Variants in PTPRN2 observed in about 807,000 individuals in gnomAD.
The protein encoded by PTPRN2 is receptor-type tyrosine-protein phosphatase N2.
In PTPRN2, 74 loss-of-function variants were observed where a neutral mutation model predicts 118.8. That is an observed-to-expected ratio of 0.62 (90% CI 0.52 to 0.76). The LOEUF is 0.76. Ranked by LOEUF, PTPRN2 falls within the 30% of genes least tolerant of loss-of-function variation. The probability of loss-of-function intolerance (pLI) is 0.00; values close to 1 mark genes in which losing one functional copy is unlikely to be tolerated. For synonymous variants in PTPRN2, 641 were observed against 608.0 expected (o/e 1.05, Z -0.80); for missense variants, 1,481 against 1,394.4 (o/e 1.06, Z -0.99).
intron 2 of PTPRN2, among the ~76,000 whole-genome samples, chr7:158,387,577 A>ACTCTCTGGGTCCTGGGGGG (rs1586542379): frequency 6.6e-5 from 10 of 151,180 alleles, no homozygotes; most frequent in Non-Finnish European, 1.3e-4. Flanking sequence ...CTGTCAGCTC[A>ACTCTCTGGGTCCTGGGGGG]GCTTGGCCCG....
chr7:158,263,022 CACACAT>C (rs1185709247), intron 3 of PTPRN2, among the ~76,000 whole-genome samples: 1 of 139,670 alleles, frequency 7.2e-6, no homozygotes. Flanking sequence ...ACACACAGTG[CACACAT>C]ACATATTCAC....
chr7:158,129,332 C>T (rs1193895328), intron 9 of PTPRN2, among the ~76,000 whole-genome samples: 3 of 150,356 alleles, frequency 2.0e-5, no homozygotes, highest in Non-Finnish European at 4.4e-5. Context: ...TACTGTACAC[C>T]ACGCACTACA....
chr7:158,555,731 G>GAAGGGTAAAGGAAGCCACC lies in PTPRN2; in HGVS notation c.112+31826_112+31827insGGTGGCTTCCTTTACCCTT, dbSNP rs1473872797. The stretch of plus-strand genomic sequence containing the variant: ...AAAGGGAGCTCTTCCGCCAACAGGT[G>GAAGGGTAAAGGAAGCCACC]GCCGGTGTTGCTTCCCAGCGGGTTC... On this transcript the variant is annotated intron_variant, in intron 1 of 22. Transcript: ENST00000389418. The surrounding 1 kb of genome is among the most constrained non-coding windows in gnomAD (Gnocchi z 4.7). 1.9e-4 allele frequency among the ~76,000 whole-genome samples: 29 copies of GAAGGGTAAAGGAAGCCACC among 152,140 alleles called. No homozygotes were observed. The highest frequency in any genetic ancestry group is 7.0e-4 in the African/African-American group (29 of 41,428).
chr7:157,944,841 T>C lies in PTPRN2; in HGVS notation c.1724-46104A>G, dbSNP rs962401095. On this transcript the variant is annotated intron_variant, in intron 11 of 22. Coordinates refer to ENST00000389418, the MANE Select transcript of PTPRN2 (RefSeq NM_002847.5). The surrounding 1 kb of genome is among the most constrained non-coding windows in gnomAD (Gnocchi z 4.3). ...CATCAGCTGGGAAGCAGCATGCTTC[T>C]TGGGGGGCAGGCATTGTCTACAACA... Among the ~76,000 whole-genome samples the C allele has an allele frequency of 6.6e-6, 1 of 152,196 alleles. No individual in the cohort carries two copies. The highest frequency in any genetic ancestry group is 2.4e-5 in the African/African-American group (1 of 41,450).
rs1490778692 is a variant in PTPRN2, at chr7:157,596,803, T to C, written c.2419-1488A>G. On this transcript the variant is annotated intron_variant, in intron 16 of 22. Transcript: ENST00000389418. The surrounding 1 kb of genome is among the most constrained non-coding windows in gnomAD (Gnocchi z 4.2). ...TATTGTGTCTAGGACTAAAATGGACTCTTTTGCTATCAGGGTTTGATTCGA... is the reference window on the plus strand; with the variant it reads ...TATTGTGTCTAGGACTAAAATGGACCCTTTTGCTATCAGGGTTTGATTCGA... 2.0e-5 allele frequency among the ~76,000 whole-genome samples: 3 copies of C among 152,246 alleles called. No individual in the cohort carries two copies. The highest frequency in any genetic ancestry group is 2.9e-5 in the Non-Finnish European group (2 of 68,048).
chr7:158,316,648 G>T (rs930519213), intron 3 of PTPRN2, among the ~76,000 whole-genome samples, 171 bp downstream of exon 3: 3 of 152,170 alleles, frequency 2.0e-5, no homozygotes, highest in African/African-American at 7.2e-5. Context: ...AGGAACGGAC[G>T]ATCCCAGTAG....
At chr7:158,195,145 C>T (rs1298289872) in intron 4 of PTPRN2, among the ~76,000 whole-genome samples, 3 of 152,204 alleles carry the variant, frequency 2.0e-5, no homozygotes, top group Non-Finnish European at 2.9e-5. Context: ...TGATGATGTC[C>T]TTCAGCGTCT....
At chr7:158,453,171 C>A (rs186516247) in intron 2 of PTPRN2, among the ~76,000 whole-genome samples, 2 of 90,688 alleles carry the variant, frequency 2.2e-5, no homozygotes, top group Non-Finnish European at 4.7e-5. Context: ...CAGTCCTCAC[C>A]GTACGGTGCA....
At chr7:158,583,278 A>C (rs915575572) in intron 1 of PTPRN2, among the ~76,000 whole-genome samples, 2 of 152,190 alleles carry the variant, frequency 1.3e-5, no homozygotes, top group African/African-American at 4.8e-5. Flanking sequence ...TGAGCCTTGG[A>C]CTGCACATCA....
At chr7:157,588,441 C>T (rs761959737) in intron 17 of PTPRN2, among the ~76,000 whole-genome samples, 1 of 152,184 alleles carries the variant, frequency 6.6e-6, no homozygotes, top group Non-Finnish European at 1.5e-5. Context: ...GTCCTGCCCG[C>T]AGGGGCTTCT....
At chr7:157,571,090 A>C (rs1242791746) in intron 20 of PTPRN2, among the ~76,000 whole-genome samples, 1 of 151,306 alleles carries the variant, frequency 6.6e-6, no homozygotes, top group East Asian at 1.9e-4. Flanking sequence ...CTAAAAATAC[A>C]AAAAAAATTA....
chr7:158,086,964 A>G (rs1585391159), intron 10 of PTPRN2, among the ~76,000 whole-genome samples: 1 of 152,186 alleles, frequency 6.6e-6, no homozygotes, highest in African/African-American at 2.4e-5. Flanking sequence ...TTGAGATCCA[A>G]TTGTTTGTTT....
At chr7:157,993,917 G>C (rs1360094140) in intron 11 of PTPRN2, among the ~76,000 whole-genome samples, 8 of 152,132 alleles carry the variant, frequency 5.3e-5, no homozygotes, top group Admixed American at 5.2e-4. Context: ...CATGCACTGA[G>C]CTCACTGGGT....
chr7:157,941,119 CGTGACACTGCAAATCTAACACCCTCCCCA>C (rs1800072394), intron 11 of PTPRN2, among the ~76,000 whole-genome samples: 3 of 36,492 alleles, frequency 8.2e-5, no homozygotes, highest in Non-Finnish European at 1.3e-4. Flanking sequence ...CACCCTCCCC[CGTGACACTGCAAATCTAACACCCTCCCCA>C]CCACGACACT....
chr7:157,734,250 T>C lies in PTPRN2; in HGVS notation c.1789-51313A>G, dbSNP rs1197320552. Among the ~76,000 whole-genome samples, 81 of 73,722 alleles carry C rather than the reference T, an allele frequency of 1.1e-3. 9 individuals are homozygous for C. Among genetic ancestry groups the C allele is most frequent in the African/African-American group, 3.5e-3 (69 of 19,926 alleles). The allele number at this position is 73,722 out of a possible 152,430, so 48.4% of individuals were successfully genotyped here. A position where few individuals can be genotyped will look rare whatever the true frequency, so the allele number is the denominator to read the frequency against. ...CTTCCACCCCATGCTCCCAGCACAC[T>C]CTTCCGTCCCATGTGCCCAGTGCAG... On this transcript the variant is annotated intron_variant, in intron 12 of 22. Coordinates refer to ENST00000389418, the MANE Select transcript of PTPRN2 (RefSeq NM_002847.5).
chr7:158,350,536 G>C (rs1277900129), intron 2 of PTPRN2, among the ~76,000 whole-genome samples: 1 of 152,212 alleles, frequency 6.6e-6, no homozygotes, highest in Non-Finnish European at 1.5e-5. Flanking sequence ...CTGGGGGTGA[G>C]GGAGCTGGAG....
rs1813524738 is a variant in PTPRN2, at chr7:158,407,135, T to TCCC, written c.163+82599_163+82600insGGG. Among the ~76,000 whole-genome samples, 3 of 129,122 alleles carry TCCC rather than the reference T, an allele frequency of 2.3e-5. 1 individual carries two copies. The Admixed American group carries it at 2.5e-4, about 11-fold the overall frequency. 84.7% of individuals were successfully genotyped at this position (129,122 alleles called of 152,430 possible). A position where few individuals can be genotyped will look rare whatever the true frequency, so the allele number is the denominator to read the frequency against. ...GTCCTGCGTCCTGGGTCCTGGGTCCTGCGTCCTGCGTCCTGGGTCCTGGGT... is the reference window on the plus strand; with the variant it reads ...GTCCTGCGTCCTGGGTCCTGGGTCCTCCCGCGTCCTGCGTCCTGGGTCCTGGGT... On this transcript the variant is annotated intron_variant, in intron 2 of 22. Transcript: ENST00000389418.
intron 2 of PTPRN2, among the ~76,000 whole-genome samples, chr7:158,437,283 T>C (rs1816634942): frequency 6.6e-6 from 1 of 152,256 alleles, no homozygotes; most frequent in Admixed American, 6.5e-5. Flanking sequence ...TTCCATTTGA[T>C]TACTTTGTTT....
At chr7:158,031,308 G>A (rs994096871) in intron 11 of PTPRN2, among the ~76,000 whole-genome samples, 1 of 152,142 alleles carries the variant, frequency 6.6e-6, no homozygotes, top group African/African-American at 2.4e-5. Context: ...ATTTTTTCCT[G>A]CATCCCTGTA....
Sources: allele counts gnomAD v4.1 joint callset (sites outside exome capture counted in the v4.1 genomes callset), GRCh38; gene constraint gnomAD v4.1.1; non-coding constraint Gnocchi (gnomAD v3.1); transcripts MANE v1.5; gene names NCBI Gene and HGNC (gene_info 2026-07-23, HGNC 2026-07-21).